The following ST8SIA2 variants were observed in gnomAD, a reference collection of about 807,000 sequenced individuals.
ST8SIA2 encodes ST8 alpha-N-acetyl-neuraminide alpha-2,8-sialyltransferase 2, also known as alpha-2,8-sialyltransferase 8B.
ST8SIA2 carries 22 observed loss-of-function variants against 37.6 expected under a neutral mutation model. The ratio of observed to expected loss-of-function variants is 0.58; its 90% confidence interval spans 0.42 to 0.83. ST8SIA2 has a LOEUF of 0.83. ST8SIA2 is among the 40% of genes least tolerant of loss of function. ST8SIA2 has a pLI of 0.00. For missense variants in ST8SIA2, 382 were observed against 484.7 expected (o/e 0.79, Z 1.99); for synonymous variants, 205 against 201.2 (o/e 1.02, Z -0.16).
chr15:92,396,124 C>T (rs1045189534), intron 1 of ST8SIA2, among the ~76,000 whole-genome samples: 6 of 152,188 alleles, frequency 3.9e-5, no homozygotes, highest in Non-Finnish European at 7.3e-5. Context: ...TAGGAAAAAA[C>T]GGTCAAACAA....
intron 4 of ST8SIA2, among the ~76,000 whole-genome samples, chr15:92,440,549 G>A (rs1010093529): frequency 2.0e-5 from 3 of 152,190 alleles, no homozygotes; most frequent in African/African-American, 4.8e-5. Flanking sequence ...TTCAAAAAGT[G>A]CAGTTGTTCT....
At position 92,467,967 on chromosome 15, in the gene ST8SIA2, C is replaced by T. The variant is rs941619762; in HGVS notation, c.*3582C>T. Reference sequence around the variant, plus strand: ...AGAAGCCAAGTGGATCATCTGTGTCCCCTTCCCCCACAATCCCTCCTTTTT... The same window carrying T: ...AGAAGCCAAGTGGATCATCTGTGTCTCCTTCCCCCACAATCCCTCCTTTTT... On this transcript the variant is annotated 3_prime_UTR_variant, in exon 6 of 6. Transcript: ENST00000268164. 7 of 152,288 alleles carry T rather than the reference C, an allele frequency of 4.6e-5. No individual in the cohort carries two copies. The highest frequency in any genetic ancestry group is 1.7e-4 in the African/African-American group (7 of 41,438). 9.4% of individuals were successfully genotyped at this position (152,288 alleles called of 1,614,324 possible).
intron 1 of ST8SIA2, among the ~76,000 whole-genome samples, chr15:92,416,607 C>T (rs1409008970): frequency 6.6e-6 from 1 of 152,154 alleles, no homozygotes; most frequent in Non-Finnish European, 1.5e-5. Context: ...CAGGGTCATG[C>T]TCAGGTCACT....
chr15:92,411,918 C>T (rs1164212573), intron 1 of ST8SIA2, among the ~76,000 whole-genome samples: 1 of 152,034 alleles, frequency 6.6e-6, no homozygotes, highest in East Asian at 1.9e-4. Context: ...GAAACAGAAA[C>T]CAAGGTAGCA....
At chr15:92,409,276 G>C (rs554873158) in intron 1 of ST8SIA2, among the ~76,000 whole-genome samples, 2 of 152,106 alleles carry the variant, frequency 1.3e-5, no homozygotes, top group Non-Finnish European at 2.9e-5. Context: ...TAGGGAGGAG[G>C]GTTTTCAAAT....
intron 3 of ST8SIA2, 140 bp from the exon 4 acceptor site, chr15:92,438,213 G>A: frequency 7.9e-7 from 1 of 1,263,734 alleles, no homozygotes; most frequent in Non-Finnish European, 1.2e-6. Flanking sequence ...TGTTCTCGAG[G>A]GCATCTGAAC....
chr15:92,461,457 C>G (rs1309750455), intron 5 of ST8SIA2, among the ~76,000 whole-genome samples: 1 of 152,244 alleles, frequency 6.6e-6, no homozygotes, highest in South Asian at 2.1e-4. Flanking sequence ...AGATAACCTT[C>G]CAGGACCCCA....
At chr15:92,439,419 A>G (rs4777712) in intron 4 of ST8SIA2, among the ~76,000 whole-genome samples, 85,556 of 152,052 alleles carry the variant, frequency 0.56, 24,836 homozygotes, top group African/African-American at 0.68. Flanking sequence ...CCAACCCACT[A>G]CAGTCATGGA....
chr15:92,457,969 C>T (rs1006644762), intron 5 of ST8SIA2, among the ~76,000 whole-genome samples: 20 of 152,198 alleles, frequency 1.3e-4, no homozygotes, highest in African/African-American at 4.3e-4. Context: ...CCCAGCTGGC[C>T]GCAGTTACAA....
In ST8SIA2 at chr15:92,444,820, G is replaced by T; in HGVS notation, c.733G>T (p.Ala245Ser). 2 of 1,614,084 alleles carry T rather than the reference G, an allele frequency of 1.2e-6. No individual in the cohort carries two copies. The highest frequency in any genetic ancestry group is 1.7e-6 in the Non-Finnish European group (2 of 1,180,042). Reference protein sequence around the residue: ...GSILWIPAFMARGGKERVEWV... With the variant: ...GSILWIPAFMSRGGKERVEWV... ...CATCCTGTGGATCCCTGCCTTCATGGCCCGGGGCGGCAAGGAGCGTGTTGA... is the reference window on the plus strand; with the variant it reads ...CATCCTGTGGATCCCTGCCTTCATGTCCCGGGGCGGCAAGGAGCGTGTTGA... The change falls in exon 5 of 6, where the codon GCC becomes TCC. Residue 245 changes from alanine to serine, a missense_variant. Coordinates refer to ENST00000268164, the MANE Select transcript of ST8SIA2 (RefSeq NM_006011.4).
chr15:92,451,330 A>G (rs1457187017), intron 5 of ST8SIA2, among the ~76,000 whole-genome samples: 1 of 152,160 alleles, frequency 6.6e-6, no homozygotes, highest in Non-Finnish European at 1.5e-5. Context: ...GCAGCAACGC[A>G]TCAAGGCTAC....
chr15:92,454,132 C>T (rs981883568), intron 5 of ST8SIA2, among the ~76,000 whole-genome samples: 6 of 152,166 alleles, frequency 3.9e-5, no homozygotes, highest in Non-Finnish European at 4.4e-5. Flanking sequence ...GACTGGGTGG[C>T]TTAACCGACA....
intron 4 of ST8SIA2, among the ~76,000 whole-genome samples, chr15:92,442,255 C>T (rs893432234): frequency 2.6e-5 from 4 of 152,190 alleles, no homozygotes; most frequent in Non-Finnish European, 5.9e-5. Flanking sequence ...TCTTGTGTCT[C>T]TGCAGGTAAG....
At chr15:92,425,515 T>C (rs1287295936) in intron 1 of ST8SIA2, among the ~76,000 whole-genome samples, 2 of 152,238 alleles carry the variant, frequency 1.3e-5, no homozygotes, top group African/African-American at 4.8e-5. Context: ...CTGTAGGTTC[T>C]GTTATTATTT....
intron 5 of ST8SIA2, among the ~76,000 whole-genome samples, chr15:92,449,900 C>T (rs112450503): frequency 0.044 from 6,734 of 152,148 alleles, 502 homozygotes; most frequent in African/African-American, 0.15. Flanking sequence ...GGATATTAGA[C>T]CTTTGTCGGA....
rs139712450 is a variant in ST8SIA2, at chr15:92,429,282, C to T, written c.99-767C>T. ...CATGCAGGGCAAAAAGTCGGGGGTA[C>T]TCGAGGCACATGTATTTATCCATCC... On this transcript the variant is annotated intron_variant, in intron 1 of 5. Transcript: ENST00000268164. Among the ~76,000 whole-genome samples, 745 of 152,308 alleles carry T rather than the reference C, an allele frequency of 4.9e-3. 4 individuals are homozygous for T. Among genetic ancestry groups the T allele is most frequent in the Middle Eastern group, 0.027 (8 of 292 alleles).
chr15:92,433,509 G>T (rs189220419), intron 2 of ST8SIA2, among the ~76,000 whole-genome samples: 1 of 152,182 alleles, frequency 6.6e-6, no homozygotes, highest in African/African-American at 2.4e-5. Context: ...AGATGGAAAG[G>T]GGGTGTTTAC....
intron 1 of ST8SIA2, among the ~76,000 whole-genome samples, chr15:92,402,595 C>T (rs2049479540): frequency 6.6e-6 from 1 of 152,152 alleles, no homozygotes; most frequent in Admixed American, 6.5e-5. Context: ...AGAGAGAACC[C>T]TGGGATGTAG....
intron 5 of ST8SIA2, among the ~76,000 whole-genome samples, chr15:92,457,609 G>C (rs1451396531): frequency 2.0e-5 from 3 of 152,192 alleles, no homozygotes; most frequent in African/African-American, 7.2e-5. Flanking sequence ...ACACCCAGCT[G>C]TTATCCTAAG....
Sources: gnomAD v4.1 joint callset for allele counts (sites outside exome capture counted in the v4.1 genomes callset) on GRCh38, gnomAD v4.1.1 for gene constraint, MANE v1.5 for transcripts, NCBI Gene and HGNC (gene_info 2026-07-23, HGNC 2026-07-21) for gene names.